HTRA1: variants seen among roughly 807,000 people sequenced by gnomAD.
The protein encoded by HTRA1 is serine protease HTRA1.
A neutral mutation model predicts 49.7 loss-of-function variants in HTRA1; 26 were observed. The observed-to-expected ratio is 0.52, with a 90% confidence interval of 0.38 to 0.73. HTRA1 has a LOEUF of 0.73. HTRA1 is among the 30% of genes least tolerant of loss of function. HTRA1 has a pLI of 0.00. For missense variants in HTRA1, 561 were observed against 667.2 expected, an observed-to-expected ratio of 0.84 and a Z score of 1.75; for synonymous variants, 291 against 286.9, an observed-to-expected ratio of 1.01 and a Z score of -0.14.
Position 122,487,126 on chromosome 10 carries a change from T to A in HTRA1, c.473-1776T>A, listed in dbSNP as rs574309602. Among the ~76,000 whole-genome samples, 88 of 152,182 alleles carry A rather than the reference T, an allele frequency of 5.8e-4. No homozygotes were observed. The highest frequency in any genetic ancestry group is 1.1e-3 in the Non-Finnish European group (73 of 68,046). On this transcript the variant is annotated intron_variant, in intron 1 of 8. Transcript: ENST00000368984. The surrounding 1 kb of genome is among the most constrained non-coding windows in gnomAD (Gnocchi z 4.8). ...CAGTGCAACAGACATAAGATTACCATGTGAAATTGCTATGAAAGTTTCCGA... is the reference window on the plus strand; with the variant it reads ...CAGTGCAACAGACATAAGATTACCAAGTGAAATTGCTATGAAAGTTTCCGA...
At position 122,489,581 on chromosome 10, in the gene HTRA1, T is replaced by C; in HGVS notation, c.732T>C (p.Asp244=). ...CCACTTACGAAGCCAAAATCAAGGA[T>C]GTGGATGAGAAAGCAGACATCGCAC... is the stretch of plus-strand genomic sequence containing the variant. ...NGATYEAKIK[D]VDEKADIALI... The change falls in exon 3 of 9, where the codon GAT becomes GAC. Residue 244 remains aspartate, a synonymous_variant. Transcript: ENST00000368984. 6.2e-7 allele frequency: 1 copy of C among 1,614,066 alleles called. No homozygotes were observed. Among genetic ancestry groups the C allele is most frequent in the Non-Finnish European group, 8.5e-7 (1 of 1,180,002 alleles).
rs189801474 is a variant in HTRA1, at chr10:122,494,033, C to T, written c.777+4407C>T. Among the ~76,000 whole-genome samples the T allele has an allele frequency of 5.9e-5, 9 of 152,294 alleles. No individual in the cohort carries two copies. Among genetic ancestry groups the T allele is most frequent in the Admixed American group, 2.0e-4 (3 of 15,304 alleles). The stretch of plus-strand genomic sequence containing the variant: ...TAAATTCTGCCTTAGACATCTCTCC[C>T]CACCCCGCTGTGTGAGGTAGCGCCC... On this transcript the variant is annotated intron_variant, in intron 3 of 8. Coordinates refer to ENST00000368984, the MANE Select transcript of HTRA1 (RefSeq NM_002775.5). The surrounding 1 kb of genome is among the most constrained non-coding windows in gnomAD (Gnocchi z 4.0).
intron 1 of HTRA1, among the ~76,000 whole-genome samples, chr10:122,475,723 C>T (rs758572033): frequency 3.3e-5 from 5 of 152,190 alleles, no homozygotes; most frequent in East Asian, 3.9e-4. Flanking sequence ...TTGCAGAATT[C>T]GAGGAAATCC....
Position 122,461,572 on chromosome 10 carries a change from G to A in HTRA1, c.-81G>A. On this transcript the variant is annotated 5_prime_UTR_variant, in exon 1 of 9. Transcript: ENST00000368984. Reference sequence around the variant, plus strand: ...GCGCGCACTCGCACCCGCTGCCCCCGAGGCCCTCCTGCACTCTCCCCGGCG... The same window carrying A: ...GCGCGCACTCGCACCCGCTGCCCCCAAGGCCCTCCTGCACTCTCCCCGGCG... The A allele has an allele frequency of 2.4e-6, 2 of 819,150 alleles. No individual in the cohort carries two copies. The highest frequency in any genetic ancestry group is 3.3e-6 in the Non-Finnish European group (2 of 601,738). 50.7% of individuals were successfully genotyped at this position (819,150 alleles called of 1,614,324 possible). A position where few individuals can be genotyped will look rare whatever the true frequency, so the allele number is the denominator to read the frequency against.
chr10:122,493,831 C>G (rs769211887), intron 3 of HTRA1, among the ~76,000 whole-genome samples: 1 of 151,644 alleles, frequency 6.6e-6, no homozygotes, highest in Non-Finnish European at 1.5e-5. Flanking sequence ...TCTGCCCCTC[C>G]TCCCCTTCCC....
chr10:122,488,112 G>A lies in HTRA1; in HGVS notation c.473-790G>A, dbSNP rs137944553. Among the ~76,000 whole-genome samples the A allele has an allele frequency of 9.3e-4, 142 of 152,176 alleles. 1 individual carries two copies. The highest frequency in any genetic ancestry group is 3.2e-3 in the African/African-American group (133 of 41,514). ...AGATAGGAGCTGCCCCTTTGCCTTCGTGTTTCTTCGTAATAATCTCAGATG... is the reference window on the plus strand; with the variant it reads ...AGATAGGAGCTGCCCCTTTGCCTTCATGTTTCTTCGTAATAATCTCAGATG... On this transcript the variant is annotated intron_variant, in intron 1 of 8. Transcript: ENST00000368984.
chr10:122,477,671 C>T (rs764034177), intron 1 of HTRA1, among the ~76,000 whole-genome samples: 8 of 152,164 alleles, frequency 5.3e-5, no homozygotes, highest in East Asian at 1.9e-4. Flanking sequence ...TGTCTGCAGG[C>T]GACCAGGAGA....
chr10:122,463,124 T>A (rs1002824642), intron 1 of HTRA1, among the ~76,000 whole-genome samples: 15 of 152,388 alleles, frequency 9.8e-5, no homozygotes, highest in Admixed American at 5.2e-4. Context: ...ACCCCAGTGC[T>A]GCCTCCTCAA....
intron 8 of HTRA1, 35 bp from the exon 9 acceptor site, chr10:122,514,156 G>C (rs376215705): frequency 5.6e-6 from 9 of 1,606,324 alleles, no homozygotes; most frequent in Non-Finnish European, 7.7e-6. Context: ...ATGGAAACAC[G>C]AAACATTGCC....
chr10:122,470,444 T>C (rs1024718442), intron 1 of HTRA1, among the ~76,000 whole-genome samples: 3 of 151,952 alleles, frequency 2.0e-5, no homozygotes, highest in Non-Finnish European at 4.4e-5. Flanking sequence ...TCCAAAGATA[T>C]AAGGAATATG....
rs367897146 is a variant in HTRA1, at chr10:122,506,639, C to T, written c.778-52C>T. ...GTTTTCCATGATATCTGTGCCTTTA[C>T]CTATTTGGTTAAATTAAACCAACTC... On this transcript the variant is annotated intron_variant, in intron 3 of 8. Coordinates refer to ENST00000368984, the MANE Select transcript of HTRA1 (RefSeq NM_002775.5). This position sits in a 1 kb window ranked among gnomAD's most constrained non-coding sequence, Gnocchi z 5.2. The T allele has an allele frequency of 1.2e-5, 18 of 1,498,304 alleles. No individual in the cohort carries two copies. The highest frequency in any genetic ancestry group is 5.5e-5 in the African/African-American group (4 of 72,950). The allele number at this position is 1,498,304 out of a possible 1,614,324, so 92.8% of individuals were successfully genotyped here.
intron 1 of HTRA1, among the ~76,000 whole-genome samples, chr10:122,483,591 A>C (rs1480333314): frequency 1.3e-5 from 2 of 152,212 alleles, no homozygotes; most frequent in Non-Finnish European, 2.9e-5. Flanking sequence ...TATTTTTGAA[A>C]TAGTTTGTGA....
At position 122,506,801 on chromosome 10, in the gene HTRA1, C is replaced by T. The variant is rs775112869; in HGVS notation, c.888C>T (p.Ile296=). Residue 296 remains isoleucine (I), a synonymous_variant, in exon 4 of 9, where the codon ATC becomes ATT. Transcript: ENST00000368984. This position sits in a 1 kb window ranked among gnomAD's most constrained non-coding sequence, Gnocchi z 5.2. ...TTCAAAACACAGTCACCACCGGGATCGTGAGCACCACCCAGCGAGGCGGCA... is the reference window on the plus strand; with the variant it reads ...TTCAAAACACAGTCACCACCGGGATTGTGAGCACCACCCAGCGAGGCGGCA... ...FSLQNTVTTG[I]VSTTQRGGKE... is the part of the protein sequence containing the mutation. 5.0e-6 allele frequency: 8 copies of T among 1,613,790 alleles called. No homozygotes were observed. Among genetic ancestry groups the T allele is most frequent in the East Asian group, 4.5e-5 (2 of 44,880 alleles).
chr10:122,510,301 A>C lies in HTRA1; in HGVS notation c.1178+148A>C, dbSNP rs1035784313. The C allele has an allele frequency of 1.5e-5, 11 of 740,508 alleles. No homozygotes were observed. The African/African-American group carries it at 1.7e-4, about 12-fold the overall frequency. The allele number at this position is 740,508 out of a possible 1,614,324, so 45.9% of individuals were successfully genotyped here. A position where few individuals can be genotyped will look rare whatever the true frequency, so the allele number is the denominator to read the frequency against. Reference sequence around the variant, plus strand: ...TAATGAAGTAGCATCGGGAAAGAGGACAGGTCATTAGCCTTGGCCCCTTTG... The same window carrying C: ...TAATGAAGTAGCATCGGGAAAGAGGCCAGGTCATTAGCCTTGGCCCCTTTG... On this transcript the variant is annotated intron_variant, in intron 7 of 8. Transcript: ENST00000368984.
chr10:122,505,930 C>T (rs983157741), intron 3 of HTRA1, among the ~76,000 whole-genome samples: 1 of 152,218 alleles, frequency 6.6e-6, no homozygotes, highest in Non-Finnish European at 1.5e-5. Context: ...GGCTTCTGTT[C>T]CATTTTGTTG....
At chr10:122,507,942 G>A (rs2097503874) in intron 5 of HTRA1, among the ~76,000 whole-genome samples, 1 of 131,454 alleles carries the variant, frequency 7.6e-6, no homozygotes, top group Non-Finnish European at 1.7e-5. Flanking sequence ...ACACAGACCA[G>A]CAGAGCTAGA....
intron 7 of HTRA1, among the ~76,000 whole-genome samples, chr10:122,510,673 C>T (rs1204148226): frequency 2.0e-5 from 3 of 152,182 alleles, no homozygotes; most frequent in African/African-American, 7.2e-5. Flanking sequence ...CTGTGGTTGG[C>T]AGGCTCATGG....
chr10:122,510,976 G>A (rs963945138), intron 7 of HTRA1, among the ~76,000 whole-genome samples: 4 of 152,158 alleles, frequency 2.6e-5, no homozygotes, highest in Non-Finnish European at 5.9e-5. Flanking sequence ...TTGGAACTAC[G>A]AGGTGTAGGG....
chr10:122,488,478 C>T (rs2097494077), intron 1 of HTRA1, among the ~76,000 whole-genome samples: 1 of 152,134 alleles, frequency 6.6e-6, no homozygotes, highest in African/African-American at 2.4e-5. Context: ...AGAAGAATCG[C>T]TTGAACCGGA....
Sources: allele counts gnomAD v4.1 joint callset (sites outside exome capture counted in the v4.1 genomes callset), GRCh38; gene constraint gnomAD v4.1.1; non-coding constraint Gnocchi (gnomAD v3.1); transcripts MANE v1.5; gene names NCBI Gene and HGNC (gene_info 2026-07-23, HGNC 2026-07-21).